The following ANK2 variants were observed in gnomAD, a reference collection of about 807,000 sequenced individuals.
The protein encoded by ANK2 is ankyrin 2.
ANK2 carries 83 observed loss-of-function variants against 360.5 expected under a neutral mutation model. The ratio of observed to expected loss-of-function variants is 0.23; its 90% CI spans 0.19 to 0.28. The LOEUF is 0.28. Ranked by LOEUF, ANK2 falls within the 10% of genes least tolerant of loss-of-function variation. The pLI is 1.00. For synonymous variants in ANK2, 1,740 were observed against 1,759.5 expected (o/e 0.99, Z 0.28); for missense variants, 4,201 against 4,795.7 (o/e 0.88, Z 3.66).
At chr4:113,370,540 A>T (rs1037146387) in intron 43 of ANK2, among the ~76,000 whole-genome samples, 9 of 152,016 alleles carry the variant, frequency 5.9e-5, no homozygotes, top group African/African-American at 1.9e-4. Flanking sequence ...CGGGTGGATC[A>T]TGAGGTCAGG....
chr4:112,811,610 T>C, the ANK2 span, among the ~76,000 whole-genome samples: 1 of 152,314 alleles, frequency 6.6e-6, no homozygotes, highest in South Asian at 2.1e-4. Flanking sequence ...AGCAGATTAG[T>C]ATCCAGTGCC....
chr4:113,287,810 A>G, intron 19 of ANK2, 107 bp downstream of exon 19: 1 of 879,026 alleles, frequency 1.1e-6, no homozygotes, highest in East Asian at 2.6e-5. Flanking sequence ...TCAAGAGTCC[A>G]TTCTGAAATA....
Position 112,904,455 on chromosome 4 carries a change from G to C in ANK2, c.-39G>C, listed in dbSNP as rs775400814. Reference sequence around the variant, plus strand: ...TATTTTCTCTTTTTTATCCTTTTAGGTAAGTAATGAAAAGAGACATGAAGA... The same window carrying C: ...TATTTTCTCTTTTTTATCCTTTTAGCTAAGTAATGAAAAGAGACATGAAGA... On this transcript the variant is annotated splice_region_variant and 5_prime_UTR_variant, in exon 2 of 31. Coordinates refer to the ANK2 transcript ENST00000503271. 1,076 of 1,429,550 alleles carry C rather than the reference G, an allele frequency of 7.5e-4. 9 individuals are homozygous for C. The highest frequency in any genetic ancestry group is 3.7e-3 in the Middle Eastern group (21 of 5,720). 88.6% of individuals were successfully genotyped at this position (1,429,550 alleles called of 1,614,324 possible).
the ANK2 span, among the ~76,000 whole-genome samples, chr4:112,731,167 T>C: frequency 6.6e-6 from 1 of 151,234 alleles, no homozygotes; most frequent in Non-Finnish European, 1.5e-5. Context: ...GGTGCACAAC[T>C]GTAGTCCCAG....
chr4:113,149,556 G>T (rs1243690081), intron 1 of ANK2, among the ~76,000 whole-genome samples: 1 of 151,986 alleles, frequency 6.6e-6, no homozygotes, highest in Non-Finnish European at 1.5e-5. Context: ...ATTTAGATAT[G>T]GTTATGTAAC....
chr4:113,108,688 C>T (rs1468732675), intron 1 of ANK2, among the ~76,000 whole-genome samples: 1 of 152,074 alleles, frequency 6.6e-6, no homozygotes, highest in Non-Finnish European at 1.5e-5. Flanking sequence ...AGAATTTACT[C>T]CTTGTCTGTG....
chr4:112,752,606 GCAGTCTTCC>G, the ANK2 span, among the ~76,000 whole-genome samples: 2 of 150,188 alleles, frequency 1.3e-5, no homozygotes, highest in East Asian at 3.9e-4. Flanking sequence ...CTGGGCTCAA[GCAGTCTTCC>G]CACTTCTGTC....
the ANK2 span, among the ~76,000 whole-genome samples, chr4:112,809,792 G>A: frequency 5.4e-5 from 8 of 148,456 alleles, no homozygotes; most frequent in South Asian, 4.4e-4. Flanking sequence ...CTGTGATCGC[G>A]CAACTGCACT....
intron 2 of ANK2, among the ~76,000 whole-genome samples, chr4:113,181,294 G>T (rs533588330): frequency 1.3e-5 from 2 of 152,052 alleles, no homozygotes; most frequent in Non-Finnish European, 2.9e-5. Context: ...AAATTCTCTT[G>T]AACACTCTCT....
the ANK2 span, among the ~76,000 whole-genome samples, chr4:112,757,425 CT>C: frequency 6.6e-6 from 1 of 152,156 alleles, no homozygotes; most frequent in East Asian, 1.9e-4. Context: ...ACAGCAGTGA[CT>C]TTTCTCATCA....
Position 112,833,112 on chromosome 4 carries a change from C to T in ANK2, c.-40+14848C>T, listed in dbSNP as rs141885274. ...CTTTCAGTTTGAACCACAAGAGAAG[C>T]AGAAAGAGGCTTGGTTGTTCTGATA... On this transcript the variant is annotated intron_variant, in intron 1 of 30. Transcript: ENST00000503271. 2.5e-3 allele frequency among the ~76,000 whole-genome samples: 380 copies of T among 152,302 alleles called. 3 individuals are homozygous for T. The highest frequency in any genetic ancestry group is 8.8e-3 in the African/African-American group (365 of 41,560).
At chr4:113,040,566 A>G (rs533720739) in intron 2 of ANK2, among the ~76,000 whole-genome samples, 5 of 152,066 alleles carry the variant, frequency 3.3e-5, no homozygotes, top group Non-Finnish European at 7.4e-5. Flanking sequence ...GACACTCCAT[A>G]TTTACATCAG....
chr4:112,722,731 T>C, the ANK2 span, among the ~76,000 whole-genome samples: 1 of 152,162 alleles, frequency 6.6e-6, no homozygotes. Flanking sequence ...TTAGTAGCCA[T>C]CTTGCAGACA....
chr4:113,211,967 C>T lies in ANK2; in HGVS notation c.384+12858C>T, dbSNP rs117632406. On this transcript the variant is annotated intron_variant, in intron 4 of 45. Transcript: ENST00000357077. The stretch of plus-strand genomic sequence containing the variant: ...TATTATCTTGCTTTATAAACAATTA[C>T]ATCTTTACTGCTCCTTAATGGAGTT... Among the ~76,000 whole-genome samples, 82 of 152,220 alleles carry T rather than the reference C, an allele frequency of 5.4e-4. No homozygotes were observed. The East Asian group carries it at 0.014, about 26-fold the overall frequency.
At chr4:113,100,229 C>G (rs144983571) in intron 1 of ANK2, among the ~76,000 whole-genome samples, 1,972 of 152,140 alleles carry the variant, frequency 0.013, 38 homozygotes, top group Non-Finnish European at 0.016. Context: ...AAACACATAT[C>G]TGATAAATTG....
chr4:113,209,589 G>A (rs1052600698), intron 4 of ANK2, among the ~76,000 whole-genome samples: 4 of 152,008 alleles, frequency 2.6e-5, no homozygotes, highest in African/African-American at 9.7e-5. Context: ...TTATTGGCAG[G>A]GTGCCTAACA....
the ANK2 span, among the ~76,000 whole-genome samples, chr4:112,734,645 T>TA: frequency 6.6e-6 from 1 of 152,248 alleles, no homozygotes; most frequent in Non-Finnish European, 1.5e-5. Context: ...CTTGTATTCT[T>TA]ATGCCACGTA....
chr4:113,367,787 GA>G lies in ANK2; in HGVS notation c.11255del (p.Asp3752ValfsTer23). 1 of 1,614,048 alleles carries G rather than the reference GA, an allele frequency of 6.2e-7. No homozygotes were observed. The highest frequency in any genetic ancestry group is 8.5e-7 in the Non-Finnish European group (1 of 1,179,990). On this transcript the variant is annotated frameshift_variant, in exon 42 of 46. Transcript: ENST00000357077. LOFTEE classifies it high-confidence loss of function. ...AACTCACAAGGAGCAAGTTCAACAG[GA>G]TTTCTCAGGGAAAATGCAAGACCTG... is the stretch of plus-strand genomic sequence containing the variant. ...PQTHKEQVQQ[D>X]FSGKMQDLPE...
chr4:113,138,004 A>G (rs2096501212), intron 1 of ANK2, among the ~76,000 whole-genome samples: 2 of 152,216 alleles, frequency 1.3e-5, no homozygotes, highest in African/African-American at 2.4e-5. Context: ...TTGTTTTCCA[A>G]ACAAAAGTAG....
Sources: gnomAD v4.1 joint callset for allele counts (sites outside exome capture counted in the v4.1 genomes callset) on GRCh38, gnomAD v4.1.1 for gene constraint, MANE v1.5 for transcripts, NCBI Gene and HGNC (gene_info 2026-07-23, HGNC 2026-07-21) for gene names.